PPM1L: variants seen among roughly 807,000 people sequenced by gnomAD.
PPM1L encodes the protein protein phosphatase 1L.
A neutral mutation model predicts 31.4 loss-of-function variants in PPM1L; 13 were observed. That is an observed-to-expected ratio of 0.41 (90% CI 0.27 to 0.66). The LOEUF is 0.66. Among genes scored for constraint, PPM1L ranks in the 30% least tolerant of loss-of-function variants. PPM1L has a pLI of 0.29. For synonymous variants in PPM1L, 184 were observed against 175.4 expected, an observed-to-expected ratio of 1.05 and a Z score of -0.39; for missense variants, 326 against 453.7, an observed-to-expected ratio of 0.72 and a Z score of 2.56.
chr3:160,779,954 C>A (rs924355442), intron 1 of PPM1L, among the ~76,000 whole-genome samples: 2 of 151,920 alleles, frequency 1.3e-5, no homozygotes, highest in Non-Finnish European at 2.9e-5. Flanking sequence ...ACTGTTAAGA[C>A]ATTAAATGAA....
At chr3:160,935,755 G>C (rs1714949627) in intron 1 of PPM1L, among the ~76,000 whole-genome samples, 1 of 152,218 alleles carries the variant, frequency 6.6e-6, no homozygotes, top group Non-Finnish European at 1.5e-5. Flanking sequence ...CTGCTTCACT[G>C]CTGGAAAATG....
At chr3:160,845,492 C>T (rs1273248691) in intron 1 of PPM1L, among the ~76,000 whole-genome samples, 5 of 151,834 alleles carry the variant, frequency 3.3e-5, no homozygotes, top group African/African-American at 1.2e-4. Flanking sequence ...GTTTTAGATT[C>T]CATTGAAGCT....
intron 1 of PPM1L, among the ~76,000 whole-genome samples, chr3:160,961,169 G>A (rs964337590): frequency 2.6e-5 from 4 of 152,128 alleles, no homozygotes; most frequent in Non-Finnish European, 4.4e-5. Flanking sequence ...TTGTTTGTTT[G>A]TTTTGCCCCA....
At chr3:160,783,836 CCTAACTTAGAA>C (rs989514214) in intron 1 of PPM1L, among the ~76,000 whole-genome samples, 22 of 152,058 alleles carry the variant, frequency 1.4e-4, no homozygotes, top group African/African-American at 4.6e-4. Flanking sequence ...TGTAGGGATG[CCTAACTTAGAA>C]CTATATTCTA....
chr3:161,013,315 C>T (rs6441349), intron 2 of PPM1L, among the ~76,000 whole-genome samples: 54,642 of 151,926 alleles, frequency 0.36, 10,331 homozygotes, highest in East Asian at 0.64. Context: ...TTGTTCAGTT[C>T]CCATGTAGTT....
intron 1 of PPM1L, among the ~76,000 whole-genome samples, chr3:160,809,097 G>A (rs945733236): frequency 6.6e-6 from 1 of 152,162 alleles, no homozygotes; most frequent in African/African-American, 2.4e-5. Context: ...ATCTGCTCCC[G>A]AGGTCCAGCT....
intron 1 of PPM1L, among the ~76,000 whole-genome samples, chr3:160,870,904 A>G (rs1381365870): frequency 6.6e-6 from 1 of 152,202 alleles, no homozygotes; most frequent in Non-Finnish European, 1.5e-5. Context: ...TGTGTGGGAA[A>G]GAGTAGTTAT....
At chr3:160,800,409 C>T (rs769871202) in intron 1 of PPM1L, among the ~76,000 whole-genome samples, 15 of 152,074 alleles carry the variant, frequency 9.9e-5, no homozygotes, top group South Asian at 2.1e-4. Flanking sequence ...TTCCCCAAAT[C>T]CCCTATTCTG....
At chr3:160,922,350 G>A (rs550303416) in intron 1 of PPM1L, among the ~76,000 whole-genome samples, 1 of 152,264 alleles carries the variant, frequency 6.6e-6, no homozygotes, top group South Asian at 2.1e-4. Flanking sequence ...CTAGATTCCA[G>A]GAGATCTGGA....
chr3:160,910,413 G>A (rs1212526614), intron 1 of PPM1L, among the ~76,000 whole-genome samples: 3 of 148,416 alleles, frequency 2.0e-5, no homozygotes, highest in East Asian at 4.2e-4. Context: ...CCCAGGTTCC[G>A]GTGATTGTCA....
At chr3:160,860,867 G>C (rs753565440) in intron 1 of PPM1L, among the ~76,000 whole-genome samples, 10 of 152,030 alleles carry the variant, frequency 6.6e-5, no homozygotes, top group Non-Finnish European at 1.0e-4. Flanking sequence ...TCCTATAAGG[G>C]CTCTAATCCC....
intron 1 of PPM1L, among the ~76,000 whole-genome samples, chr3:160,927,665 T>C (rs1714647692): frequency 6.6e-6 from 1 of 152,302 alleles, no homozygotes; most frequent in South Asian, 2.1e-4. Flanking sequence ...CGTAAATGCG[T>C]GTTAGTGGTT....
chr3:161,048,522 C>T (rs572959972), intron 2 of PPM1L, among the ~76,000 whole-genome samples: 15 of 152,208 alleles, frequency 9.9e-5, no homozygotes, highest in East Asian at 7.7e-4. Flanking sequence ...GACAGTGTGG[C>T]GATTCCTCAA....
chr3:161,060,996 T>G (rs1315972938), intron 2 of PPM1L, among the ~76,000 whole-genome samples: 1 of 152,046 alleles, frequency 6.6e-6, no homozygotes, highest in Non-Finnish European at 1.5e-5. Flanking sequence ...AGAAAATGAT[T>G]TTTTCATTTT....
At chr3:161,006,685 T>TC (rs1717719261) in intron 2 of PPM1L, among the ~76,000 whole-genome samples, 1 of 146,992 alleles carries the variant, frequency 6.8e-6, no homozygotes, top group African/African-American at 2.5e-5. Context: ...CTTTCCTTTT[T>TC]TTTTTTTTTT....
rs747709858 is a variant in PPM1L, at chr3:160,879,256, G to A, written c.400-82480G>A. ...GTTCAAAGTCACCAAGCATTTGGGG[G>A]AAATATTTTATAGAACTTTTAATTT... On this transcript the variant is annotated intron_variant, in intron 1 of 3. Coordinates refer to ENST00000498165, the MANE Select transcript of PPM1L (RefSeq NM_139245.4). Among the ~76,000 whole-genome samples the A allele has an allele frequency of 3.9e-4, 60 of 152,036 alleles. 1 individual carries two copies. Among genetic ancestry groups the A allele is most frequent in the Admixed American group, 2.5e-3 (38 of 15,252 alleles).
At chr3:160,777,418 AGTTCAGTAGTGTTATATGTGTTCACATT>A (rs1711594160) in intron 1 of PPM1L, among the ~76,000 whole-genome samples, 1 of 152,238 alleles carries the variant, frequency 6.6e-6, no homozygotes, top group African/African-American at 2.4e-5. Flanking sequence ...TTAAGTGTAC[AGTTCAGTAGTGTTATATGTGTTCACATT>A]GTTATGCAAT....
At chr3:161,057,062 C>CA (rs11401280) in intron 2 of PPM1L, among the ~76,000 whole-genome samples, 20,033 of 151,666 alleles carry the variant, frequency 0.13, 1,535 homozygotes, top group South Asian at 0.28. Context: ...AACTCCATCT[C>CA]AAAAAAATAA....
At chr3:160,780,391 A>C (rs1711701276) in intron 1 of PPM1L, among the ~76,000 whole-genome samples, 1 of 152,232 alleles carries the variant, frequency 6.6e-6, no homozygotes, top group African/African-American at 2.4e-5. Context: ...TTTAGAATGC[A>C]AAAAGGGAAG....
Sources: gnomAD v4.1 joint callset for allele counts (sites outside exome capture counted in the v4.1 genomes callset) on GRCh38, gnomAD v4.1.1 for gene constraint, MANE v1.5 for transcripts, NCBI Gene and HGNC (gene_info 2026-07-23, HGNC 2026-07-21) for gene names.